Variants in CNTNAP2 observed in about 807,000 individuals in gnomAD.
CNTNAP2 encodes the protein contactin-associated protein-like 2.
In CNTNAP2, 98 loss-of-function variants were observed where a neutral mutation model predicts 155.2. The observed-to-expected ratio is 0.63, with a 90% CI of 0.54 to 0.75. CNTNAP2 has a LOEUF of 0.75. Among genes scored for constraint, CNTNAP2 ranks in the 30% least tolerant of loss-of-function variants. CNTNAP2 has a pLI of 0.00. For missense variants in CNTNAP2, 1,727 were observed against 1,688.1 expected (o/e 1.02, Z -0.40); for synonymous variants, 651 against 631.2 (o/e 1.03, Z -0.47).
At chr7:146,195,984 C>G (rs942415402) in intron 1 of CNTNAP2, among the ~76,000 whole-genome samples, 1 of 152,182 alleles carries the variant, frequency 6.6e-6, no homozygotes, top group African/African-American at 2.4e-5. Context: ...CCATGGCAGT[C>G]TACTGCTCCT....
At chr7:148,385,829 C>CTGGGTTTA (rs1799181618) in intron 22 of CNTNAP2, among the ~76,000 whole-genome samples, 1 of 146,024 alleles carries the variant, frequency 6.8e-6, no homozygotes, top group Non-Finnish European at 1.5e-5. Context: ...CCTCTGCCTC[C>CTGGGTTTA]TGGGTTTAAG....
At chr7:146,545,673 A>G (rs989082649) in intron 1 of CNTNAP2, among the ~76,000 whole-genome samples, 5 of 151,938 alleles carry the variant, frequency 3.3e-5, no homozygotes, top group Admixed American at 2.0e-4. Context: ...TTAAAAAGTC[A>G]GGAAACAACA....
chr7:147,435,897 T>C (rs991793774), intron 10 of CNTNAP2, among the ~76,000 whole-genome samples: 1 of 152,238 alleles, frequency 6.6e-6, no homozygotes, highest in Non-Finnish European at 1.5e-5. Flanking sequence ...ATTATAAGTA[T>C]GTAATAAAAC....
At chr7:147,315,342 C>T (rs1170319624) in intron 9 of CNTNAP2, among the ~76,000 whole-genome samples, 1 of 150,892 alleles carries the variant, frequency 6.6e-6, no homozygotes, top group Non-Finnish European at 1.5e-5. Context: ...AATTTTCGGC[C>T]ATTTTCATGA....
chr7:148,278,860 C>T (rs894667336), intron 21 of CNTNAP2, among the ~76,000 whole-genome samples: 1 of 152,218 alleles, frequency 6.6e-6, no homozygotes, highest in African/African-American at 2.4e-5. Context: ...AATATTTAAG[C>T]AGTGGCCTTA....
At chr7:147,449,543 C>T (rs893942073) in intron 10 of CNTNAP2, among the ~76,000 whole-genome samples, 2 of 152,148 alleles carry the variant, frequency 1.3e-5, no homozygotes, top group African/African-American at 4.8e-5. Context: ...AGACAGCTTA[C>T]ACTTCAAGGA....
At chr7:147,406,126 A>G (rs1797000823) in intron 10 of CNTNAP2, among the ~76,000 whole-genome samples, 1 of 152,176 alleles carries the variant, frequency 6.6e-6, no homozygotes, top group South Asian at 2.1e-4. Flanking sequence ...GAATAAAAGG[A>G]GAGTTCATTA....
At chr7:146,887,144 T>G (rs141904906) in intron 3 of CNTNAP2, among the ~76,000 whole-genome samples, 28 of 152,142 alleles carry the variant, frequency 1.8e-4, no homozygotes, top group African/African-American at 5.8e-4. Flanking sequence ...TACATAGTTT[T>G]TTTGTTTGTT....
chr7:147,871,205 A>G (rs1344773751), intron 13 of CNTNAP2, among the ~76,000 whole-genome samples: 2 of 152,220 alleles, frequency 1.3e-5, no homozygotes. Flanking sequence ...AATTTACTAG[A>G]TATTTTAACC....
At chr7:147,582,450 T>C (rs1447176291) in intron 12 of CNTNAP2, among the ~76,000 whole-genome samples, 2 of 152,124 alleles carry the variant, frequency 1.3e-5, no homozygotes, top group Non-Finnish European at 2.9e-5. Context: ...TTAAATCAAA[T>C]GATACATATG....
At chr7:147,269,930 C>T (rs893014150) in intron 8 of CNTNAP2, among the ~76,000 whole-genome samples, 6 of 152,010 alleles carry the variant, frequency 3.9e-5, no homozygotes, top group East Asian at 1.9e-4. Context: ...GGTTTCGTGG[C>T]GTGCTCCTAT....
intron 9 of CNTNAP2, among the ~76,000 whole-genome samples, chr7:147,333,067 T>G (rs1795601243): frequency 6.6e-6 from 1 of 152,186 alleles, no homozygotes; most frequent in African/African-American, 2.4e-5. Context: ...TATTTGACCC[T>G]TTTTGGACTG....
chr7:147,361,294 C>T (rs826825), intron 9 of CNTNAP2, among the ~76,000 whole-genome samples: 49,297 of 151,914 alleles, frequency 0.32, 8,709 homozygotes, highest in East Asian at 0.67. Context: ...GATTTTCTGA[C>T]AACAATGAAT....
At chr7:146,279,498 C>A (rs1320003061) in intron 1 of CNTNAP2, among the ~76,000 whole-genome samples, 1 of 151,230 alleles carries the variant, frequency 6.6e-6, no homozygotes, top group Non-Finnish European at 1.5e-5. Flanking sequence ...GAACAGGTAA[C>A]TTTGTAGTAT....
chr7:147,545,582 AT>A (rs2116753849), intron 11 of CNTNAP2, among the ~76,000 whole-genome samples: 1 of 152,292 alleles, frequency 6.6e-6, no homozygotes, highest in African/African-American at 2.4e-5. Flanking sequence ...CCATAGGGTA[AT>A]TCATGCAGCT....
At chr7:146,892,415 T>C (rs1004135282) in intron 3 of CNTNAP2, among the ~76,000 whole-genome samples, 5 of 152,172 alleles carry the variant, frequency 3.3e-5, no homozygotes, top group African/African-American at 4.8e-5. Context: ...AGCTCAGTTT[T>C]AAGAGGCAGA....
chr7:146,922,803 G>A (rs963756080), intron 3 of CNTNAP2, among the ~76,000 whole-genome samples: 5 of 152,078 alleles, frequency 3.3e-5, no homozygotes, highest in African/African-American at 9.7e-5. Context: ...GCCTGGAACA[G>A]GTTAACTGTT....
At chr7:146,356,458 G>T (rs1490159217) in intron 1 of CNTNAP2, among the ~76,000 whole-genome samples, 3 of 152,104 alleles carry the variant, frequency 2.0e-5, no homozygotes, top group Non-Finnish European at 4.4e-5. Context: ...TGTGGGAGGT[G>T]TGTACTTCCT....
intron 3 of CNTNAP2, among the ~76,000 whole-genome samples, chr7:147,010,292 G>A (rs181460542): frequency 1.8e-3 from 274 of 151,756 alleles, no homozygotes; most frequent in African/African-American, 6.2e-3. Flanking sequence ...TTACAGACGT[G>A]AGCCACCATT....
Sources: gnomAD v4.1 joint callset for allele counts (sites outside exome capture counted in the v4.1 genomes callset) on GRCh38, gnomAD v4.1.1 for gene constraint, MANE v1.5 for transcripts, NCBI Gene and HGNC (gene_info 2026-07-23, HGNC 2026-07-21) for gene names.